The following KCND2 variants were observed in gnomAD, a reference collection of about 807,000 sequenced individuals.
KCND2 encodes the protein A-type voltage-gated potassium channel KCND2.
A neutral mutation model predicts 54.4 loss-of-function variants in KCND2; 16 were observed. The ratio of observed to expected loss-of-function variants is 0.29; its 90% CI spans 0.20 to 0.45. The LOEUF is 0.45. KCND2 is among the 20% of genes least tolerant of loss of function. KCND2 has a pLI of 1.00. For missense variants in KCND2, 486 were observed against 824.2 expected (o/e 0.59, Z 5.02); for synonymous variants, 317 against 310.7 (o/e 1.02, Z -0.21).
intron 1 of KCND2, among the ~76,000 whole-genome samples, chr7:120,691,036 C>T (rs1210980035): frequency 2.0e-5 from 3 of 151,834 alleles, no homozygotes; most frequent in East Asian, 1.9e-4. Flanking sequence ...GAGAAGTCCA[C>T]GCAAGTGCAA....
At chr7:120,305,196 A>G (rs1799635614) in intron 1 of KCND2, among the ~76,000 whole-genome samples, 1 of 152,148 alleles carries the variant, frequency 6.6e-6, no homozygotes, top group African/African-American at 2.4e-5. Context: ...CAAGAAAATA[A>G]TTTTACAAGT....
At chr7:120,574,466 T>A (rs1366985880) in intron 1 of KCND2, among the ~76,000 whole-genome samples, 1 of 152,200 alleles carries the variant, frequency 6.6e-6, no homozygotes, top group South Asian at 2.1e-4. Flanking sequence ...TGCTAAAGCA[T>A]ACATGGATTT....
intron 1 of KCND2, among the ~76,000 whole-genome samples, chr7:120,384,649 C>T (rs1800962294): frequency 6.6e-6 from 1 of 152,124 alleles, no homozygotes; most frequent in Admixed American, 6.6e-5. Context: ...TTTTCTAGAA[C>T]TTTCATTTTC....
chr7:120,742,176 C>T (rs1157633880), intron 3 of KCND2: 13 of 308,556 alleles, frequency 4.2e-5, no homozygotes, highest in South Asian at 3.9e-4. Flanking sequence ...TGCACATGAT[C>T]GTGGTTTCAA....
intron 1 of KCND2, among the ~76,000 whole-genome samples, chr7:120,473,590 T>C (rs1802490827): frequency 6.6e-6 from 1 of 152,164 alleles, no homozygotes; most frequent in South Asian, 2.1e-4. Context: ...AAACACCAAC[T>C]CCTGCTTAGC....
intron 1 of KCND2, among the ~76,000 whole-genome samples, chr7:120,666,492 A>G (rs1427224148): frequency 1.3e-5 from 2 of 152,010 alleles, no homozygotes; most frequent in Non-Finnish European, 2.9e-5. Flanking sequence ...CGGAATGTAA[A>G]TGATACTTTA....
chr7:120,443,612 T>A (rs6949614), intron 1 of KCND2, among the ~76,000 whole-genome samples: 1,759 of 152,094 alleles, frequency 0.012, 19 homozygotes, highest in African/African-American at 0.038. Flanking sequence ...TTACAACACT[T>A]TCAAAGTCTG....
At chr7:120,381,119 A>T (rs549385018) in intron 1 of KCND2, among the ~76,000 whole-genome samples, 1 of 152,072 alleles carries the variant, frequency 6.6e-6, no homozygotes, top group South Asian at 2.1e-4. Flanking sequence ...TCTACTAAAA[A>T]TACAAAATAG....
intron 1 of KCND2, among the ~76,000 whole-genome samples, chr7:120,289,908 G>A (rs951443538): frequency 2.6e-5 from 4 of 152,020 alleles, no homozygotes; most frequent in Non-Finnish European, 5.9e-5. Context: ...ATACACATAC[G>A]ATTTAATTTT....
At position 120,275,586 on chromosome 7, in the gene KCND2, G is replaced by T. The variant is rs1262956059; in HGVS notation, c.954G>T (p.Lys318Asn). ...TGCGCATCCTGGGGTACACACTGAA[G>T]AGTTGTGCCTCAGAATTGGGCTTCT... Reference protein sequence around the residue: ...QGLRILGYTLKSCASELGFLL... With the variant: ...QGLRILGYTLNSCASELGFLL... Residue 318 changes from lysine to asparagine, a missense_variant, in exon 1 of 6, where the codon AAG (lysine) becomes AAT (asparagine). This residue lies in a region of KCND2 where 12 missense variants were observed against 67.0 expected (regional missense o/e 0.18). Coordinates refer to ENST00000331113, the MANE Select transcript of KCND2 (RefSeq NM_012281.3). 6.2e-7 allele frequency: 1 copy of T among 1,613,492 alleles called. No individual in the cohort carries two copies. The highest frequency in any genetic ancestry group is 8.5e-7 in the Non-Finnish European group (1 of 1,180,002).
chr7:120,273,366 G>GCCGGCCCCGGCC lies in KCND2; in HGVS notation c.-1258_-1247dup, dbSNP rs905808908. 6.7e-6 allele frequency among the ~76,000 whole-genome samples: 1 copy of GCCGGCCCCGGCC among 148,378 alleles called. No individual in the cohort carries two copies. The highest frequency in any genetic ancestry group is 1.5e-5 in the Non-Finnish European group (1 of 66,696). ...CCTCCGCGCTCGGACGAGAGCCCGT[G>GCCGGCCCCGGCC]CCGGCCCCGGCCCCGGCCCCACCGC... On this transcript the variant is annotated 5_prime_UTR_variant, in exon 1 of 6. Coordinates refer to ENST00000331113, the MANE Select transcript of KCND2 (RefSeq NM_012281.3).
intron 1 of KCND2, among the ~76,000 whole-genome samples, chr7:120,311,956 G>A (rs1029280030): frequency 1.3e-5 from 2 of 152,150 alleles, no homozygotes; most frequent in Non-Finnish European, 2.9e-5. Context: ...CTAGACTGGA[G>A]TGCAATGGCA....
intron 1 of KCND2, among the ~76,000 whole-genome samples, chr7:120,517,745 G>A (rs893123527): frequency 3.9e-5 from 6 of 151,988 alleles, no homozygotes; most frequent in African/African-American, 1.4e-4. Flanking sequence ...TCATTTTATA[G>A]GTATACATGC....
intron 1 of KCND2, among the ~76,000 whole-genome samples, chr7:120,693,367 T>C (rs1453332223): frequency 6.6e-6 from 1 of 152,232 alleles, no homozygotes; most frequent in Non-Finnish European, 1.5e-5. Context: ...TTAATGTTTG[T>C]CTGTCTTATT....
rs1233034962 is a variant in KCND2 at position 120,274,759 on chromosome 7, A to G, written c.127A>G (p.Ile43Val). Residue 43 changes from isoleucine to valine, a missense_variant, in exon 1 of 6, where the codon ATT (isoleucine) becomes GTT (valine). Around this residue, in one of 7 missense-constraint regions of KCND2, gnomAD observed 231 missense variants for 386.0 expected, o/e 0.60. Transcript: ENST00000331113. Reference protein sequence around the residue: ...QERKRTQDALIVLNVSGTRFQ... With the variant: ...QERKRTQDALVVLNVSGTRFQ... Reference sequence around the variant, plus strand: ...GAGGAAAAGGACCCAAGATGCTCTCATTGTGCTGAATGTGAGTGGCACCCG... The same window carrying G: ...GAGGAAAAGGACCCAAGATGCTCTCGTTGTGCTGAATGTGAGTGGCACCCG... 2 of 1,614,056 alleles carry G rather than the reference A, an allele frequency of 1.2e-6. No homozygotes were observed. The highest frequency in any genetic ancestry group is 1.7e-6 in the Non-Finnish European group (2 of 1,180,000).
chr7:120,556,382 T>G (rs989110745), intron 1 of KCND2, among the ~76,000 whole-genome samples: 1 of 152,186 alleles, frequency 6.6e-6, no homozygotes, highest in African/African-American at 2.4e-5. Flanking sequence ...ACCCAGCCAT[T>G]CTGCATGCAT....
At chr7:120,690,558 CT>C (rs1377711802) in intron 1 of KCND2, among the ~76,000 whole-genome samples, 1 of 152,182 alleles carries the variant, frequency 6.6e-6, no homozygotes, top group Non-Finnish European at 1.5e-5. Context: ...ACACCTTTTT[CT>C]TTGCCTTCCC....
chr7:120,678,389 A>G (rs952896405), intron 1 of KCND2, among the ~76,000 whole-genome samples: 14 of 146,184 alleles, frequency 9.6e-5, no homozygotes, highest in Non-Finnish European at 2.0e-4. Context: ...ACACACATAT[A>G]TAGACACATA....
intron 1 of KCND2, among the ~76,000 whole-genome samples, chr7:120,553,016 A>G (rs1325599094): frequency 1.3e-5 from 2 of 152,216 alleles, no homozygotes; most frequent in Admixed American, 6.5e-5. Flanking sequence ...CGTATCCATC[A>G]CCTCACATAG....
Sources: gnomAD v4.1 joint callset for allele counts (sites outside exome capture counted in the v4.1 genomes callset) on GRCh38, gnomAD v4.1.1 for gene constraint, gnomAD v4.1.1 regional missense constraint, MANE v1.5 for transcripts, NCBI Gene and HGNC (gene_info 2026-07-23, HGNC 2026-07-21) for gene names.